CACNA2D3: variants seen among roughly 807,000 people sequenced by gnomAD.
CACNA2D3 encodes the protein calcium voltage-gated channel auxiliary subunit alpha2delta 3.
Under a neutral mutation model 160.6 loss-of-function variants are expected in CACNA2D3, and 60 were observed. The ratio of observed to expected loss-of-function variants is 0.37; its 90% confidence interval spans 0.30 to 0.46. The LOEUF (loss-of-function observed/expected upper bound fraction) is 0.46. Among genes scored for constraint, CACNA2D3 ranks in the 20% least tolerant of loss-of-function variants. The probability of loss-of-function intolerance (pLI) is 1.00; values close to 1 mark genes in which losing one functional copy is unlikely to be tolerated. For missense variants in CACNA2D3, 1,205 were observed against 1,365.0 expected (o/e 0.88, Z 1.85); for synonymous variants, 558 against 492.9 (o/e 1.13, Z -1.75).
intron 4 of CACNA2D3, among the ~76,000 whole-genome samples, chr3:54,499,163 G>C (rs913935445): frequency 2.0e-5 from 3 of 152,078 alleles, no homozygotes; most frequent in African/African-American, 7.2e-5. Flanking sequence ...CCTGAATGCT[G>C]AGTCTCTGTT....
At chr3:54,775,921 C>T (rs571961199) in intron 13 of CACNA2D3, among the ~76,000 whole-genome samples, 43 of 152,288 alleles carry the variant, frequency 2.8e-4, no homozygotes, top group Non-Finnish European at 4.0e-4. Context: ...TTCTTTCTTC[C>T]TTCTTCCTTT....
intron 9 of CACNA2D3, among the ~76,000 whole-genome samples, chr3:54,600,643 T>C (rs905101920): frequency 1.3e-5 from 2 of 152,152 alleles, no homozygotes; most frequent in African/African-American, 4.8e-5. Flanking sequence ...ACCAAGATAA[T>C]GCGGTGTGCT....
At chr3:54,540,122 A>T (rs1395198886) in intron 5 of CACNA2D3, among the ~76,000 whole-genome samples, 1 of 152,166 alleles carries the variant, frequency 6.6e-6, no homozygotes, top group Non-Finnish European at 1.5e-5. Flanking sequence ...TGGCCGGGCT[A>T]TTGAACATGA....
intron 5 of CACNA2D3, among the ~76,000 whole-genome samples, chr3:54,560,702 G>C (rs571671198): frequency 6.6e-6 from 1 of 152,270 alleles, no homozygotes; most frequent in Non-Finnish European, 1.5e-5. Flanking sequence ...GGTTTTTATA[G>C]TTTTGGGTTT....
At chr3:54,970,449 C>CTT (rs1559450807) in intron 29 of CACNA2D3, among the ~76,000 whole-genome samples, 3 of 57,380 alleles carry the variant, frequency 5.2e-5, no homozygotes, top group Admixed American at 1.7e-4. Flanking sequence ...CCTCCCCTCC[C>CTT]CTCCTCTCCT....
At position 54,423,542 on chromosome 3, in the gene CACNA2D3, A is replaced by T. The variant is rs138760786; in HGVS notation, c.381+36768A>T. ...ATATTGAGCTTGGAGAGCAATGCTT[A>T]TGTGGAGGGCTTTGTTGACTGTGGG... On this transcript the variant is annotated intron_variant, in intron 4 of 37. Coordinates refer to ENST00000474759, the MANE Select transcript of CACNA2D3 (RefSeq NM_018398.3). Among the ~76,000 whole-genome samples the T allele has an allele frequency of 4.7e-3, 720 of 152,232 alleles. 18 individuals are homozygous for T. The highest frequency in any genetic ancestry group is 0.042 in the Admixed American group (644 of 15,302).
chr3:54,852,043 A>G (rs1305820949), intron 17 of CACNA2D3, among the ~76,000 whole-genome samples: 1 of 152,198 alleles, frequency 6.6e-6, no homozygotes, highest in Non-Finnish European at 1.5e-5. Flanking sequence ...AGTGGGTTAG[A>G]GCAGGCTCTA....
intron 13 of CACNA2D3, among the ~76,000 whole-genome samples, chr3:54,784,236 G>A (rs548596901): frequency 6.6e-5 from 10 of 152,312 alleles, no homozygotes; most frequent in African/African-American, 2.4e-4. Flanking sequence ...CCTCTGAACG[G>A]AAGCAAGTTT....
At chr3:54,373,582 T>C (rs1172369118) in intron 3 of CACNA2D3, among the ~76,000 whole-genome samples, 1 of 152,218 alleles carries the variant, frequency 6.6e-6, no homozygotes, top group Non-Finnish European at 1.5e-5. Context: ...GTAGGCTGTG[T>C]GGTCCAGGAA....
At chr3:55,021,665 G>A (rs358038) in intron 35 of CACNA2D3, among the ~76,000 whole-genome samples, 59,406 of 140,094 alleles carry the variant, frequency 0.42, 13,484 homozygotes, top group African/African-American at 0.64. Context: ...ATATGTGTGT[G>A]TATATATATA....
chr3:54,326,209 A>G (rs540821785), intron 3 of CACNA2D3, among the ~76,000 whole-genome samples: 1 of 152,350 alleles, frequency 6.6e-6, no homozygotes, highest in Non-Finnish European at 1.5e-5. Flanking sequence ...GGAAACGAAT[A>G]TCAGTATTTG....
At chr3:54,588,639 A>G (rs1209064848) in intron 9 of CACNA2D3, among the ~76,000 whole-genome samples, 1 of 152,128 alleles carries the variant, frequency 6.6e-6, no homozygotes, top group Non-Finnish European at 1.5e-5. Context: ...AAACCATCCT[A>G]TTTCTCTACC....
chr3:54,722,411 C>G (rs1309393512), intron 11 of CACNA2D3, among the ~76,000 whole-genome samples: 1 of 152,208 alleles, frequency 6.6e-6, no homozygotes, highest in East Asian at 1.9e-4. Context: ...CTACTTCTGT[C>G]AATTTGTCAA....
At chr3:54,759,961 T>C (rs1331385217) in intron 12 of CACNA2D3, among the ~76,000 whole-genome samples, 1 of 152,220 alleles carries the variant, frequency 6.6e-6, no homozygotes, top group Non-Finnish European at 1.5e-5. Context: ...CTTTGGGCCA[T>C]TGTGAGGCCC....
intron 4 of CACNA2D3, among the ~76,000 whole-genome samples, chr3:54,387,939 G>T (rs1422364788): frequency 6.6e-6 from 1 of 152,220 alleles, no homozygotes; most frequent in African/African-American, 2.4e-5. Flanking sequence ...CAGTACCAAA[G>T]CTGACCACCG....
At chr3:55,018,994 G>A (rs1703389035) in intron 35 of CACNA2D3, among the ~76,000 whole-genome samples, 1 of 149,056 alleles carries the variant, frequency 6.7e-6, no homozygotes, top group Admixed American at 6.7e-5. Flanking sequence ...TGTTGCCTGG[G>A]CTGGTCTCAA....
intron 5 of CACNA2D3, among the ~76,000 whole-genome samples, chr3:54,506,079 A>G (rs1701363971): frequency 6.6e-6 from 1 of 152,068 alleles, no homozygotes; most frequent in African/African-American, 2.4e-5. Context: ...TCAGCCAGGC[A>G]GTGAATCACT....
intron 4 of CACNA2D3, among the ~76,000 whole-genome samples, chr3:54,406,715 A>G (rs1187269464): frequency 6.6e-6 from 1 of 152,112 alleles, no homozygotes; most frequent in Non-Finnish European, 1.5e-5. Flanking sequence ...AATAGCAAAT[A>G]TGTAGGAAGT....
chr3:54,451,233 T>A (rs1009797963), intron 4 of CACNA2D3, among the ~76,000 whole-genome samples: 8 of 38,692 alleles, frequency 2.1e-4, no homozygotes, highest in African/African-American at 5.0e-4. Flanking sequence ...AATAATCTTT[T>A]TTTTTTTTTT....
Sources: allele counts gnomAD v4.1 joint callset (sites outside exome capture counted in the v4.1 genomes callset), GRCh38; gene constraint gnomAD v4.1.1; transcripts MANE v1.5; gene names NCBI Gene and HGNC (gene_info 2026-07-23, HGNC 2026-07-21).